RERE: variants seen among roughly 807,000 people sequenced by gnomAD.
RERE encodes the protein arginine-glutamic acid dipeptide repeats.
Under a neutral mutation model 146.1 loss-of-function variants are expected in RERE, and 40 were observed. The observed-to-expected ratio is 0.27, with a 90% CI of 0.21 to 0.36. RERE has a LOEUF of 0.36. Ranked by LOEUF, RERE falls within the 10% of genes least tolerant of loss-of-function variation. The pLI is 1.00. For synonymous variants in RERE, 1,003 were observed against 866.0 expected, an observed-to-expected ratio of 1.16 and a Z score of -2.78; for missense variants, 1,933 against 2,138.7, an observed-to-expected ratio of 0.90 and a Z score of 1.90.
intron 11 of RERE, among the ~76,000 whole-genome samples, chr1:8,454,910 A>T (rs1644434593): frequency 6.6e-6 from 1 of 152,104 alleles, no homozygotes; most frequent in Admixed American, 6.5e-5. Flanking sequence ...GGTGGCAGCC[A>T]ATCTGAGTAC....
chr1:8,372,179 T>C (rs1285287693), intron 12 of RERE, among the ~76,000 whole-genome samples: 1 of 152,160 alleles, frequency 6.6e-6, no homozygotes, highest in Admixed American at 6.5e-5. Flanking sequence ...GGCTCACTCG[T>C]AGCAAGCATG....
At position 8,454,510 on chromosome 1, in the gene RERE, A is replaced by C. The variant is rs1476348547; in HGVS notation, c.1203+11415T>G. Reference sequence around the variant, plus strand: ...TTCCTATAATTTTTTAGATTAAAAAAAAAAACTTAAGACTTGCTGGGTGTG... The same window carrying C: ...TTCCTATAATTTTTTAGATTAAAAACAAAAACTTAAGACTTGCTGGGTGTG... On this transcript the variant is annotated intron_variant, in intron 11 of 22. Transcript: ENST00000400908. Among the ~76,000 whole-genome samples, 4 of 152,148 alleles carry C rather than the reference A, an allele frequency of 2.6e-5. No homozygotes were observed. The East Asian group carries it at 7.7e-4, about 29-fold the overall frequency.
At chr1:8,631,093 A>T (rs1201968980) in intron 2 of RERE, among the ~76,000 whole-genome samples, 1 of 152,244 alleles carries the variant, frequency 6.6e-6, no homozygotes, top group Non-Finnish European at 1.5e-5. Context: ...ATGAGAACAA[A>T]CAAGTTGAGG....
chr1:8,361,641 T>A, intron 17 of RERE, 122 bp downstream of exon 17: 1 of 1,331,288 alleles, frequency 7.5e-7, no homozygotes, highest in Non-Finnish European at 1.1e-6. Context: ...CCAGCCAGTG[T>A]CAAAGGCCAC....
chr1:8,360,988 G>A lies in RERE; in HGVS notation c.2519C>T (p.Ser840Phe), dbSNP rs1031152969. ...TGSAGQPSAP[S>F]HAQPPLHGQG... ...ACCGTGCAGTGGGGGCTGGGCATGAGAGGGTGCAGAAGGCTGGCCCGCCGA... is the reference window on the plus strand; with the variant it reads ...ACCGTGCAGTGGGGGCTGGGCATGAAAGGGTGCAGAAGGCTGGCCCGCCGA... Residue 840 changes from serine (S) to phenylalanine (F), a missense_variant, in exon 18 of 23, where the codon TCT (serine) becomes TTT (phenylalanine). Physicochemically the swap from Ser to Phe is radical, Grantham distance 155 (BLOSUM62 -2). Around this residue, in one of 11 missense-constraint regions of RERE, gnomAD observed 1,255 missense variants for 1,153.8 expected, o/e 1.09. Transcript: ENST00000400908. 3.5e-6 allele frequency: 5 copies of A among 1,442,884 alleles called. No individual in the cohort carries two copies. 89.4% of individuals were successfully genotyped at this position (1,442,884 alleles called of 1,614,324 possible).
chr1:8,817,499 T>C lies in RERE; in HGVS notation c.-484A>G, dbSNP rs1397854599. ...TTTAATCCTCAACTAGGAGAGAAAA[T>C]GAGGCAGAGACAATGTGGGGAGCGA... On this transcript the variant is annotated 5_prime_UTR_variant, in exon 1 of 23. Transcript: ENST00000400908. The C allele has an allele frequency of 7.5e-6, 1 of 133,794 alleles. No individual in the cohort carries two copies. Among genetic ancestry groups the C allele is most frequent in the Non-Finnish European group, 1.6e-5 (1 of 64,000 alleles). The allele number at this position is 133,794 out of a possible 1,614,324, so 8.3% of individuals were successfully genotyped here.
At chr1:8,787,745 G>A (rs1038213113) in intron 1 of RERE, among the ~76,000 whole-genome samples, 6 of 151,190 alleles carry the variant, frequency 4.0e-5, no homozygotes, top group Admixed American at 1.3e-4. Flanking sequence ...GCAGGAGAAT[G>A]GCTTGAATAC....
At chr1:8,580,389 T>C (rs150586489) in intron 4 of RERE, among the ~76,000 whole-genome samples, 11 of 152,306 alleles carry the variant, frequency 7.2e-5, no homozygotes, top group Admixed American at 1.3e-4. Context: ...TGAAAGCAAA[T>C]GTGAAAGCTT....
intron 12 of RERE, among the ~76,000 whole-genome samples, chr1:8,386,336 C>G (rs940898770): frequency 6.6e-6 from 1 of 151,124 alleles, no homozygotes; most frequent in African/African-American, 2.4e-5. Context: ...CCCCTCTCAT[C>G]CCAAGCCAAG....
At chr1:8,771,129 G>T (rs888625010) in intron 1 of RERE, among the ~76,000 whole-genome samples, 1 of 152,052 alleles carries the variant, frequency 6.6e-6, no homozygotes, top group East Asian at 1.9e-4. Context: ...CACCTGCTGG[G>T]GGGGGAAAAT....
At chr1:8,657,448 G>A (rs1202192339) in intron 1 of RERE, among the ~76,000 whole-genome samples, 7 of 151,982 alleles carry the variant, frequency 4.6e-5, no homozygotes, top group African/African-American at 9.7e-5. Context: ...TAACTCAAAC[G>A]AAAGTGAGAG....
At chr1:8,451,365 G>A (rs1033017627) in intron 11 of RERE, among the ~76,000 whole-genome samples, 1 of 152,176 alleles carries the variant, frequency 6.6e-6, no homozygotes, top group African/African-American at 2.4e-5. Flanking sequence ...CCGGAAGGCA[G>A]AGGTTGCAGT....
At chr1:8,411,800 T>C (rs1198269201) in intron 12 of RERE, among the ~76,000 whole-genome samples, 1 of 152,214 alleles carries the variant, frequency 6.6e-6, no homozygotes, top group Non-Finnish European at 1.5e-5. Context: ...AGGCTCACAT[T>C]ATCCAAAACG....
chr1:8,529,165 T>C (rs999908415), intron 7 of RERE, among the ~76,000 whole-genome samples: 4 of 152,184 alleles, frequency 2.6e-5, no homozygotes, highest in Non-Finnish European at 5.9e-5. Context: ...AGGTTCTTTC[T>C]TGTACTAGTC....
At chr1:8,722,185 G>C (rs1239920601) in intron 1 of RERE, among the ~76,000 whole-genome samples, 1 of 152,148 alleles carries the variant, frequency 6.6e-6, no homozygotes, top group Non-Finnish European at 1.5e-5. Context: ...TGTTGTAATT[G>C]TGTCTTCTGA....
intron 4 of RERE, among the ~76,000 whole-genome samples, chr1:8,559,288 A>AAAAAACAAAAC (rs1646046476): frequency 7.1e-6 from 1 of 141,080 alleles, no homozygotes; most frequent in South Asian, 2.2e-4. Flanking sequence ...CTCAAAAAAA[A>AAAAAACAAAAC]AAAAAAAAAA....
chr1:8,448,238 G>T (rs1223081872), intron 11 of RERE, among the ~76,000 whole-genome samples: 1 of 152,122 alleles, frequency 6.6e-6, no homozygotes, highest in African/African-American at 2.4e-5. Context: ...GCCAGAAGGG[G>T]ACTATTTAAT....
intron 6 of RERE, among the ~76,000 whole-genome samples, chr1:8,553,366 G>A (rs1001647546): frequency 6.7e-5 from 10 of 149,700 alleles, no homozygotes; most frequent in African/African-American, 2.5e-4. Flanking sequence ...ACACACACAC[G>A]TAAAATTGCA....
chr1:8,775,126 A>C (rs1641040369), intron 1 of RERE, among the ~76,000 whole-genome samples: 1 of 151,722 alleles, frequency 6.6e-6, no homozygotes, highest in South Asian at 2.1e-4. Flanking sequence ...ACGCCCGGCT[A>C]ATTTTTGTAT....
Sources: gnomAD v4.1 joint callset for allele counts (sites outside exome capture counted in the v4.1 genomes callset) on GRCh38, gnomAD v4.1.1 for gene constraint, gnomAD v4.1.1 regional missense constraint, MANE v1.5 for transcripts, NCBI Gene and HGNC (gene_info 2026-07-23, HGNC 2026-07-21) for gene names.